TMEM132D: variants seen among roughly 807,000 people sequenced by gnomAD.
TMEM132D encodes the protein transmembrane protein 132D.
Under a neutral mutation model 62.3 loss-of-function variants are expected in TMEM132D, and 21 were observed. The observed-to-expected ratio is 0.34, with a 90% CI of 0.24 to 0.49. The LOEUF is 0.49. Among genes scored for constraint, TMEM132D ranks in the 20% least tolerant of loss-of-function variants. TMEM132D has a pLI of 0.99. For synonymous variants in TMEM132D, 621 were observed against 575.6 expected (o/e 1.08, Z -1.13); for missense variants, 1,346 against 1,402.8 (o/e 0.96, Z 0.65).
intron 4 of TMEM132D, among the ~76,000 whole-genome samples, chr12:129,267,626 C>A (rs535944369): frequency 6.6e-6 from 1 of 152,246 alleles, no homozygotes; most frequent in South Asian, 2.1e-4. Context: ...TTTATAGATT[C>A]GGTGCCATCC....
intron 1 of TMEM132D, among the ~76,000 whole-genome samples, chr12:129,861,979 T>C (rs984821370): frequency 2.0e-5 from 3 of 151,908 alleles, no homozygotes; most frequent in Non-Finnish European, 4.4e-5. Flanking sequence ...AAGGGTCATA[T>C]ACCTACAATT....
chr12:129,299,659 T>C (rs1881661998), intron 4 of TMEM132D, among the ~76,000 whole-genome samples: 1 of 147,022 alleles, frequency 6.8e-6, no homozygotes. Flanking sequence ...TCTTGGAACA[T>C]GTAGAGACTA....
chr12:129,534,179 T>C (rs1275818446), intron 2 of TMEM132D, among the ~76,000 whole-genome samples: 2 of 152,160 alleles, frequency 1.3e-5, no homozygotes, highest in African/African-American at 4.8e-5. Context: ...TGTGGTTCAA[T>C]AAATACAGGT....
chr12:129,354,474 C>A (rs1869972975), intron 3 of TMEM132D, among the ~76,000 whole-genome samples: 1 of 152,052 alleles, frequency 6.6e-6, no homozygotes. Context: ...CAGGTGCGAG[C>A]CACCACGCCC....
At chr12:129,306,220 G>A (rs1001096311) in intron 4 of TMEM132D, among the ~76,000 whole-genome samples, 1 of 152,174 alleles carries the variant, frequency 6.6e-6, no homozygotes, top group Non-Finnish European at 1.5e-5. Flanking sequence ...AAGTGTTGTA[G>A]TTATGTCTAT....
chr12:129,078,018 C>T (rs1874335445), intron 8 of TMEM132D, among the ~76,000 whole-genome samples: 1 of 152,228 alleles, frequency 6.6e-6, no homozygotes, highest in South Asian at 2.1e-4. Flanking sequence ...CTGACATCTC[C>T]ATGAATTCTC....
intron 3 of TMEM132D, among the ~76,000 whole-genome samples, chr12:129,528,040 A>G (rs1308847183): frequency 1.3e-5 from 2 of 152,208 alleles, no homozygotes; most frequent in African/African-American, 2.4e-5. Flanking sequence ...GCAATACAAA[A>G]TCTATGACTC....
At chr12:129,355,282 C>T (rs1433858656) in intron 3 of TMEM132D, among the ~76,000 whole-genome samples, 2 of 151,936 alleles carry the variant, frequency 1.3e-5, no homozygotes, top group Non-Finnish European at 2.9e-5. Flanking sequence ...CTTAAACCTA[C>T]CTGTATGCTT....
At chr12:129,519,510 A>G (rs1875785436) in intron 3 of TMEM132D, among the ~76,000 whole-genome samples, 1 of 152,200 alleles carries the variant, frequency 6.6e-6, no homozygotes, top group South Asian at 2.1e-4. Flanking sequence ...GATTCCTAAG[A>G]ATTTTATTTT....
At chr12:129,182,876 C>T (rs4964860) in intron 5 of TMEM132D, among the ~76,000 whole-genome samples, 61,168 of 151,990 alleles carry the variant, frequency 0.4, 12,658 homozygotes, top group East Asian at 0.62. Context: ...CTCAGGATCA[C>T]GTGAGTTGAC....
intron 2 of TMEM132D, among the ~76,000 whole-genome samples, chr12:129,557,399 G>A (rs1877093816): frequency 1.3e-5 from 2 of 152,172 alleles, no homozygotes; most frequent in South Asian, 4.1e-4. Flanking sequence ...GGGTGAAGAG[G>A]TACAAACTTT....
chr12:129,484,745 A>C (rs1320602246), intron 3 of TMEM132D, among the ~76,000 whole-genome samples: 1 of 152,254 alleles, frequency 6.6e-6, no homozygotes, highest in Non-Finnish European at 1.5e-5. Context: ...GAAACTTAAA[A>C]GATTATTAAC....
intron 1 of TMEM132D, among the ~76,000 whole-genome samples, chr12:129,826,211 G>A (rs897854779): frequency 2.0e-5 from 3 of 152,188 alleles, no homozygotes; most frequent in African/African-American, 7.2e-5. Flanking sequence ...ACGGGAGCAG[G>A]GGCCAGGATA....
At chr12:129,862,000 C>T (rs1873915502) in intron 1 of TMEM132D, among the ~76,000 whole-genome samples, 1 of 152,084 alleles carries the variant, frequency 6.6e-6, no homozygotes, top group Non-Finnish European at 1.5e-5. Flanking sequence ...GCATCCACAA[C>T]CAATCAGCAG....
chr12:129,224,296 A>G (rs1429169689), intron 4 of TMEM132D, among the ~76,000 whole-genome samples: 2 of 152,194 alleles, frequency 1.3e-5, no homozygotes, highest in Admixed American at 6.5e-5. Flanking sequence ...TCCTCCCATC[A>G]GAATATTTTG....
chr12:129,814,528 T>C (rs1318698041), intron 1 of TMEM132D, among the ~76,000 whole-genome samples: 1 of 146,574 alleles, frequency 6.8e-6, no homozygotes, highest in Non-Finnish European at 1.5e-5. Flanking sequence ...GGAGAATCGC[T>C]TGAACCCGGG....
chr12:129,417,474 G>A (rs1048339000), intron 3 of TMEM132D, among the ~76,000 whole-genome samples: 2 of 152,286 alleles, frequency 1.3e-5, no homozygotes, highest in East Asian at 3.9e-4. Flanking sequence ...TTAATAAATG[G>A]TTCTGGGAAA....
chr12:129,090,672 AAAAAGAAAAG>A (rs539420961), intron 5 of TMEM132D, among the ~76,000 whole-genome samples: 1 of 151,926 alleles, frequency 6.6e-6, no homozygotes, highest in Admixed American at 6.6e-5. Context: ...TGTCTGAAAA[AAAAAGAAAAG>A]AAAAGAAAAG....
intron 1 of TMEM132D, among the ~76,000 whole-genome samples, chr12:129,791,121 A>G (rs1421981188): frequency 6.6e-6 from 1 of 152,200 alleles, no homozygotes; most frequent in Non-Finnish European, 1.5e-5. Context: ...TTTAATTTCA[A>G]TAGCTTGCAT....
Sources: gnomAD v4.1 joint callset for allele counts (sites outside exome capture counted in the v4.1 genomes callset) on GRCh38, gnomAD v4.1.1 for gene constraint, MANE v1.5 for transcripts, NCBI Gene and HGNC (gene_info 2026-07-23, HGNC 2026-07-21) for gene names.